SCN1A: variants seen among roughly 807,000 people sequenced by gnomAD.
The protein encoded by SCN1A is sodium voltage-gated channel alpha subunit 1, also known as sodium channel protein type 1 subunit alpha.
Under a neutral mutation model 193.7 loss-of-function variants are expected in SCN1A, and 13 were observed. The ratio of observed to expected loss-of-function variants is 0.07; its 90% confidence interval spans 0.04 to 0.11. The LOEUF is 0.11. Among genes scored for constraint, SCN1A ranks in the 10% least tolerant of loss-of-function variants. SCN1A has a pLI of 1.00. For synonymous variants in SCN1A, 781 were observed against 843.6 expected (o/e 0.93, Z 1.29); for missense variants, 1,432 against 2,451.1 (o/e 0.58, Z 8.78).
At chr2:166,074,530 T>G (rs1434580598) in intron 3 of SCN1A, among the ~76,000 whole-genome samples, 2 of 152,192 alleles carry the variant, frequency 1.3e-5, no homozygotes, top group Non-Finnish European at 2.9e-5. Context: ...AGTCCTATAG[T>G]GCTAACCATA....
Position 166,069,792 on chromosome 2 carries a change from A to G in SCN1A, c.264+3566T>C, listed in dbSNP as rs547360298. Among the ~76,000 whole-genome samples the G allele has an allele frequency of 2.6e-5, 4 of 152,336 alleles. No individual in the cohort carries two copies. The East Asian group carries it at 7.7e-4, about 29-fold the overall frequency. The stretch of plus-strand genomic sequence containing the variant: ...TTAGGGAAATCACTAGTCTAACTGC[A>G]TATTCCATTTCACTCAGGCAAATCT... On this transcript the variant is annotated intron_variant, in intron 4 of 28. Transcript: ENST00000674923.
At chr2:166,092,226 A>T (rs186197631) in intron 2 of SCN1A, among the ~76,000 whole-genome samples, 7 of 151,866 alleles carry the variant, frequency 4.6e-5, no homozygotes, top group Non-Finnish European at 7.4e-5. Context: ...GATCTTTTTG[A>T]AAACACATAG....
intron 2 of SCN1A, among the ~76,000 whole-genome samples, chr2:166,090,117 G>C (rs1686635735): frequency 1.6e-5 from 2 of 128,138 alleles, no homozygotes. Context: ...ATGGCTCACT[G>C]TAGCCTCAAA....
intron 12 of SCN1A, 138 bp downstream of exon 12, chr2:166,046,632 G>A: frequency 1.3e-6 from 1 of 779,154 alleles, no homozygotes; most frequent in South Asian, 1.7e-5. Context: ...CTAAATAAAA[G>A]TAAGTGGATC....
chr2:166,062,644 C>T (rs752120172), intron 4 of SCN1A, among the ~76,000 whole-genome samples: 1 of 151,970 alleles, frequency 6.6e-6, no homozygotes, highest in Admixed American at 6.6e-5. Context: ...TTGCCTTCCC[C>T]GCTATACGTA....
intron 4 of SCN1A, among the ~76,000 whole-genome samples, chr2:166,059,736 G>A (rs1683085527): frequency 6.6e-6 from 1 of 152,142 alleles, no homozygotes; most frequent in Admixed American, 6.5e-5. Context: ...GATACAGCAA[G>A]CATAAATGTT....
At position 165,987,272 on chromosome 2, in the gene SCN1A, G is replaced by C. The variant is rs1688669889; in HGVS notation, c.*3973C>G. On this transcript the variant is annotated 3_prime_UTR_variant, in exon 29 of 29. Coordinates refer to ENST00000674923, the MANE Select transcript of SCN1A (RefSeq NM_001165963.4). ...ATCAGGAGGCACATAGTATCAGTTGGTCTCATAATTGATGATATCTTTGAA... is the reference window on the plus strand; with the variant it reads ...ATCAGGAGGCACATAGTATCAGTTGCTCTCATAATTGATGATATCTTTGAA... 1 of 152,104 alleles carries C rather than the reference G, an allele frequency of 6.6e-6. No individual in the cohort carries two copies. Among genetic ancestry groups the C allele is most frequent in the African/African-American group, 2.4e-5 (1 of 41,440 alleles). The allele number at this position is 152,104 out of a possible 1,614,324, so 9.4% of individuals were successfully genotyped here.
chr2:166,077,587 G>A (rs965898509), intron 3 of SCN1A, 123 bp downstream of exon 3: 1 of 152,074 alleles, frequency 6.6e-6, no homozygotes, highest in East Asian at 1.9e-4. Flanking sequence ...TGAGGATATG[G>A]AGCAATAGAA....
At chr2:166,050,633 ATATATG>A (rs1193996090) in intron 9 of SCN1A, among the ~76,000 whole-genome samples, 26 of 82,286 alleles carry the variant, frequency 3.2e-4, no homozygotes, top group East Asian at 1.0e-3. Context: ...ATATATATAT[ATATATG>A]TGTGTATATA....
intron 2 of SCN1A, among the ~76,000 whole-genome samples, chr2:166,088,294 C>G (rs1286128910): frequency 6.6e-6 from 1 of 152,020 alleles, no homozygotes; most frequent in African/African-American, 2.4e-5. Context: ...ACATGTAAGA[C>G]AATGGAATAT....
chr2:166,114,721 A>C (rs1468859117), intron 2 of SCN1A, among the ~76,000 whole-genome samples: 2 of 152,196 alleles, frequency 1.3e-5, no homozygotes, highest in African/African-American at 4.8e-5. Flanking sequence ...TAATTAAATA[A>C]ATGTAAAACT....
chr2:166,118,298 G>GCTTCTTCTTTTTTTTTT lies in SCN1A; in HGVS notation c.-142+8625_-142+8626insAAAAAAAAAAGAAGAAG, dbSNP rs371947861. On this transcript the variant is annotated intron_variant, in intron 2 of 28. Transcript: ENST00000674923. ...TTCTTTGCTTACTGATTTCTATTTA[G>GCTTCTTCTTTTTTTTTT]TTTCTTTTTTTTTTTTTTTTTTTTT... Among the ~76,000 whole-genome samples the GCTTCTTCTTTTTTTTTT allele has an allele frequency of 2.5e-4, 11 of 44,696 alleles. 2 individuals are homozygous for GCTTCTTCTTTTTTTTTT. Among genetic ancestry groups the GCTTCTTCTTTTTTTTTT allele is most frequent in the African/African-American group, 8.0e-4 (11 of 13,742 alleles). The allele number at this position is 44,696 out of a possible 152,430, so 29.3% of individuals were successfully genotyped here.
chr2:166,075,659 A>C (rs1684916615), intron 3 of SCN1A, among the ~76,000 whole-genome samples: 1 of 151,992 alleles, frequency 6.6e-6, no homozygotes, highest in African/African-American at 2.4e-5. Flanking sequence ...ACATACTTTC[A>C]AATATATGTG....
At chr2:166,078,333 C>T (rs748100429) in intron 2 of SCN1A, among the ~76,000 whole-genome samples, 8 of 149,310 alleles carry the variant, frequency 5.4e-5, no homozygotes, top group East Asian at 1.9e-4. Flanking sequence ...ATTTGAACTG[C>T]GTTTAATTTG....
intron 2 of SCN1A, among the ~76,000 whole-genome samples, chr2:166,083,679 A>C (rs548899569): frequency 5.9e-5 from 9 of 152,188 alleles, no homozygotes; most frequent in African/African-American, 2.2e-4. Context: ...TTTTTTCCTT[A>C]CAGAGAAGAT....
chr2:166,028,429 A>G (rs932037644), intron 19 of SCN1A, among the ~76,000 whole-genome samples: 3 of 152,156 alleles, frequency 2.0e-5, no homozygotes, highest in Admixed American at 6.5e-5. Flanking sequence ...AACATACTTA[A>G]TAAGTGTCTA....
intron 17 of SCN1A, among the ~76,000 whole-genome samples, 190 bp from the exon 18 acceptor site, chr2:166,038,322 T>A (rs1696716563): frequency 6.6e-6 from 1 of 152,086 alleles, no homozygotes; most frequent in Non-Finnish European, 1.5e-5. Context: ...ACCATGTAGA[T>A]CATTTTCTCT....
chr2:166,069,253 T>G (rs547271085), intron 4 of SCN1A, among the ~76,000 whole-genome samples: 1 of 152,342 alleles, frequency 6.6e-6, no homozygotes, highest in South Asian at 2.1e-4. Flanking sequence ...CCTGAGTTTT[T>G]AACCTGGAAC....
chr2:166,023,104 C>A (rs1694280716), intron 19 of SCN1A, among the ~76,000 whole-genome samples: 1 of 152,184 alleles, frequency 6.6e-6, no homozygotes. Flanking sequence ...AGCTATACCT[C>A]ATTACAATAA....
Sources: allele counts gnomAD v4.1 joint callset (sites outside exome capture counted in the v4.1 genomes callset), GRCh38; gene constraint gnomAD v4.1.1; transcripts MANE v1.5; gene names NCBI Gene and HGNC (gene_info 2026-07-23, HGNC 2026-07-21).